Variants in LRP5 observed in about 807,000 individuals in gnomAD.
The protein encoded by LRP5 is low-density lipoprotein receptor-related protein 5.
LRP5 carries 62 observed loss-of-function variants against 154.1 expected under a neutral mutation model. The observed-to-expected ratio is 0.40, with a 90% CI of 0.33 to 0.50. LRP5 has a LOEUF of 0.50. Among genes scored for constraint, LRP5 ranks in the 20% least tolerant of loss-of-function variants. The pLI is 0.55. For missense variants in LRP5, 1,915 were observed against 2,336.7 expected (o/e 0.82, Z 3.72); for synonymous variants, 966 against 1,011.5 (o/e 0.96, Z 0.85).
chr11:68,417,041 G>A (rs2098662961), intron 13 of LRP5, among the ~76,000 whole-genome samples: 2 of 152,228 alleles, frequency 1.3e-5, no homozygotes, highest in African/African-American at 4.8e-5. Flanking sequence ...ATAGCAAAGT[G>A]CCTTTTGCAC....
the LRP5 span, among the ~76,000 whole-genome samples, chr11:68,306,135 G>GCTTTT: frequency 1.3e-5 from 2 of 151,948 alleles, no homozygotes; most frequent in African/African-American, 4.8e-5. Context: ...ATCTCTGTCT[G>GCTTTT]CTTTTCTTTT....
chr11:68,347,120 G>T (rs1253741352), intron 1 of LRP5, among the ~76,000 whole-genome samples: 1 of 152,236 alleles, frequency 6.6e-6, no homozygotes, highest in South Asian at 2.1e-4. Context: ...AGAGGCCAAG[G>T]CCTTGGAGGC....
intron 5 of LRP5, among the ~76,000 whole-genome samples, chr11:68,371,570 T>C (rs1425201427): frequency 6.6e-6 from 1 of 152,268 alleles, no homozygotes; most frequent in Non-Finnish European, 1.5e-5. Flanking sequence ...CAGTCGCTGT[T>C]CTCGGTTCCT....
chr11:68,302,790 G>A, the LRP5 span, among the ~76,000 whole-genome samples: 1 of 152,234 alleles, frequency 6.6e-6, no homozygotes, highest in Non-Finnish European at 1.5e-5. Context: ...GGCGGGCCGT[G>A]GCGCTGAACA....
the LRP5 span, among the ~76,000 whole-genome samples, chr11:68,305,671 GACC>G: frequency 1.3e-5 from 2 of 152,132 alleles, no homozygotes; most frequent in Non-Finnish European, 2.9e-5. Context: ...TTGAACTCCT[GACC>G]TCAAGTGATC....
At chr11:68,436,373 C>T (rs887469733) in intron 18 of LRP5, among the ~76,000 whole-genome samples, 2 of 152,134 alleles carry the variant, frequency 1.3e-5, no homozygotes, top group African/African-American at 4.8e-5. Context: ...CCCTGGCTTG[C>T]TCTTCCTCCC....
chr11:68,384,363 T>C (rs2098641857), intron 5 of LRP5, among the ~76,000 whole-genome samples: 1 of 152,110 alleles, frequency 6.6e-6, no homozygotes. Context: ...TCAGGGAGGC[T>C]CTGGGCTGGT....
At chr11:68,412,030 G>A (rs768700757) in intron 11 of LRP5, among the ~76,000 whole-genome samples, 1 of 152,118 alleles carries the variant, frequency 6.6e-6, no homozygotes, top group Non-Finnish European at 1.5e-5. Context: ...GCCAGCACTC[G>A]ATCCCCACCC....
chr11:68,351,207 C>T (rs1293065595), intron 2 of LRP5, among the ~76,000 whole-genome samples: 1 of 152,120 alleles, frequency 6.6e-6, no homozygotes, highest in African/African-American at 2.4e-5. Context: ...TGCCCCCGGC[C>T]TCCCAGGGGT....
chr11:68,346,794 C>G (rs997196427), intron 1 of LRP5, among the ~76,000 whole-genome samples: 4 of 152,202 alleles, frequency 2.6e-5, no homozygotes, highest in Admixed American at 6.5e-5. Flanking sequence ...TCCCTGGAGG[C>G]CCTTAACCTC....
the LRP5 span, among the ~76,000 whole-genome samples, chr11:68,298,950 T>A: frequency 1.3e-5 from 2 of 152,136 alleles, no homozygotes; most frequent in Admixed American, 6.5e-5. Context: ...AGCCGGCCAG[T>A]GTCTGAGCTC....
rs542559482 is a variant in LRP5, at chr11:68,413,525, C to A, written c.2504-164C>A. ...ACTTAATTTTGCTAGATCCTGCCTGCGCTTCAGTGGATCTTGCTGGTTTTC... is the reference window on the plus strand; with the variant it reads ...ACTTAATTTTGCTAGATCCTGCCTGAGCTTCAGTGGATCTTGCTGGTTTTC... On this transcript the variant is annotated intron_variant, in intron 11 of 22. Coordinates refer to ENST00000294304, the MANE Select transcript of LRP5 (RefSeq NM_002335.4). The surrounding 1 kb of genome is among the most constrained non-coding windows in gnomAD (Gnocchi z 5.1). Among the ~76,000 whole-genome samples the A allele has an allele frequency of 6.6e-6, 1 of 152,272 alleles. No individual in the cohort carries two copies. The highest frequency in any genetic ancestry group is 1.9e-4 in the East Asian group (1 of 5,172).
chr11:68,404,245 A>C (rs1204177249), intron 8 of LRP5: 1 of 518,548 alleles, frequency 1.9e-6, no homozygotes, highest in Non-Finnish European at 3.8e-6. Flanking sequence ...CACTGGAGAG[A>C]GCAGCATCCA....
chr11:68,425,672 T>A (rs1052851041), intron 15 of LRP5, among the ~76,000 whole-genome samples: 1 of 152,178 alleles, frequency 6.6e-6, no homozygotes, highest in African/African-American at 2.4e-5. Context: ...TCCCCATGGC[T>A]TTTCCTCTTA....
At chr11:68,441,088 C>G (rs1333705869) in intron 21 of LRP5, among the ~76,000 whole-genome samples, 1 of 147,760 alleles carries the variant, frequency 6.8e-6, no homozygotes, top group Admixed American at 6.8e-5. Flanking sequence ...CTTTTCTTTT[C>G]TTTTTTCTGA....
chr11:68,308,239 G>A (rs2098585129), upstream of LRP5, among the ~76,000 whole-genome samples: 1 of 152,244 alleles, frequency 6.6e-6, no homozygotes. Flanking sequence ...GACCACAGCA[G>A]TCAGTCCTGC....
intron 3 of LRP5, among the ~76,000 whole-genome samples, chr11:68,360,022 C>CA (rs2098626427): frequency 6.6e-6 from 1 of 151,814 alleles, no homozygotes; most frequent in South Asian, 2.1e-4. Context: ...CTCCTGATCA[C>CA]AAGTGATCCA....
chr11:68,437,157 C>T (rs1044486605), intron 19 of LRP5, among the ~76,000 whole-genome samples, 158 bp downstream of exon 19: 19 of 152,172 alleles, frequency 1.2e-4, no homozygotes, highest in Non-Finnish European at 2.4e-4. Flanking sequence ...GAAGCCTTTC[C>T]CAGGGCAGCG....
chr11:68,440,468 G>C (rs1591330919), intron 21 of LRP5, among the ~76,000 whole-genome samples: 1 of 152,316 alleles, frequency 6.6e-6, no homozygotes, highest in East Asian at 1.9e-4. Flanking sequence ...AGAATAAACT[G>C]CCGCTGCCCT....
Sources: allele counts gnomAD v4.1 joint callset (sites outside exome capture counted in the v4.1 genomes callset), GRCh38; gene constraint gnomAD v4.1.1; non-coding constraint Gnocchi (gnomAD v3.1); transcripts MANE v1.5; gene names NCBI Gene and HGNC (gene_info 2026-07-23, HGNC 2026-07-21).